STPG2: variants seen among roughly 807,000 people sequenced by gnomAD.
The protein encoded by STPG2 is sperm tail PG-rich repeat containing 2.
Under a neutral mutation model 54.2 loss-of-function variants are expected in STPG2, and 56 were observed. That is an observed-to-expected ratio of 1.03 (90% CI 0.83 to 1.29). The LOEUF is 1.29. Ranked by LOEUF, STPG2 falls within the 50% of genes most tolerant of loss-of-function variation. The pLI is 0.00. For missense variants in STPG2, 596 were observed against 544.9 expected, an observed-to-expected ratio of 1.09 and a Z score of -0.93; for synonymous variants, 200 against 181.8, an observed-to-expected ratio of 1.10 and a Z score of -0.81.
chr4:97,979,782 T>C (rs1391063396), intron 6 of STPG2, among the ~76,000 whole-genome samples: 1 of 151,058 alleles, frequency 6.6e-6, no homozygotes, highest in Non-Finnish European at 1.5e-5. Context: ...TGGAGTGCAG[T>C]GGCACTATCT....
intron 5 of STPG2, among the ~76,000 whole-genome samples, chr4:98,100,423 G>T (rs185535543): frequency 6.6e-6 from 1 of 152,124 alleles, no homozygotes; most frequent in East Asian, 1.9e-4. Flanking sequence ...AGCATTAAGG[G>T]TCAAAACAAC....
At chr4:97,589,701 C>T (rs185967743) in intron 10 of STPG2, among the ~76,000 whole-genome samples, 125 of 152,216 alleles carry the variant, frequency 8.2e-4, no homozygotes, top group East Asian at 3.9e-3. Context: ...TGAATGTTCC[C>T]GGCAATGACG....
intron 9 of STPG2, among the ~76,000 whole-genome samples, chr4:97,749,816 T>C (rs1198680761): frequency 6.6e-6 from 1 of 151,812 alleles, no homozygotes; most frequent in Non-Finnish European, 1.5e-5. Flanking sequence ...ATTCTGATGT[T>C]TGTTCTCTCT....
chr4:97,732,349 A>G (rs1464564320), intron 9 of STPG2, among the ~76,000 whole-genome samples: 1 of 152,146 alleles, frequency 6.6e-6, no homozygotes, highest in African/African-American at 2.4e-5. Context: ...TCCATCTTCA[A>G]TTGATATTTT....
chr4:97,840,141 T>C (rs1473458234), intron 9 of STPG2, among the ~76,000 whole-genome samples: 2 of 151,564 alleles, frequency 1.3e-5, no homozygotes, highest in Non-Finnish European at 3.0e-5. Flanking sequence ...TAAATGTTTA[T>C]CTTTTTAATA....
intron 6 of STPG2, 79 bp downstream of exon 6, chr4:97,981,080 T>G: frequency 6.9e-7 from 1 of 1,452,970 alleles, no homozygotes; most frequent in South Asian, 1.4e-5. Context: ...AAACATACTC[T>G]CTGGTGTATC....
At chr4:97,621,799 C>T (rs1168426649) in intron 10 of STPG2, among the ~76,000 whole-genome samples, 1 of 152,154 alleles carries the variant, frequency 6.6e-6, no homozygotes, top group Non-Finnish European at 1.5e-5. Context: ...TATCCTTATA[C>T]CCAGGCCTGG....
rs140330892 is a variant in STPG2, at chr4:97,446,920, T to A, written c.463-259087A>T. ...AAGAAGTGGGGTACTGCTATAAAGATAACATGAAAATGTGGAAGCAACTTT... is the reference window on the plus strand; with the variant it reads ...AAGAAGTGGGGTACTGCTATAAAGAAAACATGAAAATGTGGAAGCAACTTT... On this transcript the variant is annotated intron_variant, in intron 4 of 4. Coordinates refer to the STPG2 transcript ENST00000522676. Among the ~76,000 whole-genome samples the A allele has an allele frequency of 5.0e-3, 765 of 152,230 alleles. 4 individuals are homozygous for A. The highest frequency in any genetic ancestry group is 0.017 in the African/African-American group (724 of 41,542).
At chr4:97,553,566 T>C (rs147190373) in intron 4 of STPG2, among the ~76,000 whole-genome samples, 2 of 152,182 alleles carry the variant, frequency 1.3e-5, no homozygotes, top group Non-Finnish European at 2.9e-5. Flanking sequence ...TATCTGCTTA[T>C]GTTTTAGGTA....
intron 8 of STPG2, among the ~76,000 whole-genome samples, chr4:97,845,936 T>C (rs1728936239): frequency 6.6e-6 from 1 of 152,102 alleles, no homozygotes; most frequent in African/African-American, 2.4e-5. Flanking sequence ...AAGAAAGAAT[T>C]TGTGGGTCTT....
chr4:97,870,013 C>A (rs1263968642), intron 8 of STPG2, among the ~76,000 whole-genome samples: 1 of 151,488 alleles, frequency 6.6e-6, no homozygotes, highest in South Asian at 2.1e-4. Context: ...TTCTTTCAAC[C>A]AGCACACAAT....
chr4:97,561,326 C>A (rs1054803520), intron 10 of STPG2, among the ~76,000 whole-genome samples: 1 of 152,004 alleles, frequency 6.6e-6, no homozygotes, highest in African/African-American at 2.4e-5. Flanking sequence ...TGTTTGAGTT[C>A]ATTGTAGATT....
At chr4:97,683,747 A>G (rs1723104488) in intron 10 of STPG2, among the ~76,000 whole-genome samples, 3 of 151,848 alleles carry the variant, frequency 2.0e-5, no homozygotes, top group Non-Finnish European at 4.4e-5. Flanking sequence ...TATTCTATAT[A>G]ATAGTATAAG....
At chr4:97,777,383 T>C (rs1305492517) in intron 9 of STPG2, among the ~76,000 whole-genome samples, 1 of 152,194 alleles carries the variant, frequency 6.6e-6, no homozygotes, top group East Asian at 1.9e-4. Context: ...CTTTAAAAAC[T>C]GATCCAAGGG....
chr4:97,443,404 C>T (rs1374523075), intron 4 of STPG2, among the ~76,000 whole-genome samples: 1 of 152,066 alleles, frequency 6.6e-6, no homozygotes, highest in Non-Finnish European at 1.5e-5. Flanking sequence ...CTCCTTAAGA[C>T]ATTTGCTAAA....
At chr4:97,619,799 T>A (rs1733964523) in intron 10 of STPG2, among the ~76,000 whole-genome samples, 2 of 151,338 alleles carry the variant, frequency 1.3e-5, no homozygotes, top group African/African-American at 2.4e-5. Flanking sequence ...AGAGTCTTCA[T>A]CACATTATTA....
At chr4:97,829,942 A>G (rs140459669) in intron 9 of STPG2, among the ~76,000 whole-genome samples, 2 of 152,174 alleles carry the variant, frequency 1.3e-5, no homozygotes, top group Non-Finnish European at 2.9e-5. Context: ...CAAGTTGGAA[A>G]ACACTCTTCA....
intron 10 of STPG2, among the ~76,000 whole-genome samples, chr4:97,595,151 A>G (rs1195655784): frequency 2.0e-5 from 3 of 152,174 alleles, no homozygotes; most frequent in East Asian, 1.9e-4. Context: ...ACATGCACAC[A>G]TATGTTTACT....
rs529305741 is a variant in STPG2 at position 97,781,001 on chromosome 4, C to T, written c.1204+59772G>A. Among the ~76,000 whole-genome samples the T allele has an allele frequency of 1.3e-4, 20 of 152,028 alleles. No individual in the cohort carries two copies. The East Asian group carries it at 3.1e-3, about 23-fold the overall frequency. The stretch of plus-strand genomic sequence containing the variant: ...GCGGCAAAGATCTAAAATTGACACC[C>T]TAACATCAAAATTAAAAGAACTAGA... On this transcript the variant is annotated intron_variant, in intron 9 of 10. Transcript: ENST00000295268.
Sources: allele counts gnomAD v4.1 joint callset (sites outside exome capture counted in the v4.1 genomes callset), GRCh38; gene constraint gnomAD v4.1.1; transcripts MANE v1.5; gene names NCBI Gene and HGNC (gene_info 2026-07-23, HGNC 2026-07-21).